Variants in CDCA7L observed in about 807,000 individuals in gnomAD.
CDCA7L encodes the protein cell division cycle-associated 7-like protein.
In CDCA7L, 44 loss-of-function variants were observed where a neutral mutation model predicts 57.4. The observed-to-expected ratio is 0.77, with a 90% CI of 0.60 to 0.98. The LOEUF (loss-of-function observed/expected upper bound fraction) is 0.98, where lower values mean the gene tolerates loss of function less well. CDCA7L is among the 50% of genes least tolerant of loss of function. The probability of loss-of-function intolerance (pLI) is 0.00; values close to 1 mark genes in which losing one functional copy is unlikely to be tolerated. For missense variants in CDCA7L, 644 were observed against 580.6 expected (o/e 1.11, Z -1.12); for synonymous variants, 236 against 202.8 (o/e 1.16, Z -1.39).
At chr7:21,928,071 C>G (rs577698544) in intron 1 of CDCA7L, among the ~76,000 whole-genome samples, 6 of 152,204 alleles carry the variant, frequency 3.9e-5, no homozygotes, top group South Asian at 2.1e-4. Context: ...AGCGATCCGG[C>G]TGGCATCTGG....
intron 9 of CDCA7L, 65 bp from the exon 10 acceptor site, chr7:21,902,417 A>G: frequency 2.0e-6 from 3 of 1,466,774 alleles, no homozygotes; most frequent in Non-Finnish European, 2.9e-6. Flanking sequence ...TCTAGGCTTG[A>G]GAGATTCCAC....
At chr7:21,905,169 T>C (rs1785099244) in intron 7 of CDCA7L, among the ~76,000 whole-genome samples, 1 of 152,190 alleles carries the variant, frequency 6.6e-6, no homozygotes, top group Admixed American at 6.5e-5. Context: ...ATTTCTATGG[T>C]TATATTACCC....
intron 1 of CDCA7L, among the ~76,000 whole-genome samples, chr7:21,930,946 G>T (rs1308517179): frequency 6.6e-6 from 1 of 151,818 alleles, no homozygotes; most frequent in African/African-American, 2.4e-5. Flanking sequence ...GATAAAGGGG[G>T]TATCACCACT....
chr7:21,916,900 T>G lies in CDCA7L; in HGVS notation c.25-6A>C, dbSNP rs747460766. On this transcript the variant is annotated splice_region_variant and splice_polypyrimidine_tract_variant and intron_variant, in intron 1 of 9. Transcript: ENST00000406877. Reference sequence around the variant, plus strand: ...TCAGCCACTTCTTTAGGGATCTGTTTTGGATTCAAAAGAGGCAGGATTAAA... The same window carrying G: ...TCAGCCACTTCTTTAGGGATCTGTTGTGGATTCAAAAGAGGCAGGATTAAA... The G allele has an allele frequency of 1.2e-6, 2 of 1,613,994 alleles. No individual in the cohort carries two copies. Among genetic ancestry groups the G allele is most frequent in the Non-Finnish European group, 1.7e-6 (2 of 1,179,932 alleles).
At chr7:21,930,354 G>A (rs1272942936) in intron 1 of CDCA7L, among the ~76,000 whole-genome samples, 1 of 152,162 alleles carries the variant, frequency 6.6e-6, no homozygotes, top group African/African-American at 2.4e-5. Context: ...ATGCCCACAA[G>A]AGAAAGCAGG....
rs746210469 is a variant in CDCA7L, at chr7:21,945,792, T to C, written c.13A>G (p.Thr5Ala). The change falls in exon 1 of 10, where the codon ACT (threonine) becomes GCT (alanine). Residue 5 changes from threonine (T) to alanine (A), a missense_variant. Coordinates refer to ENST00000406877, the MANE Select transcript of CDCA7L (RefSeq NM_018719.5). Reference protein sequence around the residue: MELATRYQIPKEVAD... With the variant: MELAARYQIPKEVAD... ...GGCCGGACCCTCACCTGGTAGCGAG[T>C]CGCCAACTCCATTCTTCCTAACCGG... The C allele has an allele frequency of 5.6e-6, 9 of 1,599,236 alleles. No individual in the cohort carries two copies. The highest frequency in any genetic ancestry group is 4.5e-5 in the South Asian group (4 of 88,898).
chr7:21,923,903 G>C (rs1028411696), intron 1 of CDCA7L, among the ~76,000 whole-genome samples: 5 of 152,220 alleles, frequency 3.3e-5, no homozygotes, highest in Admixed American at 6.5e-5. Context: ...ATACAAAGCA[G>C]TGCTCTGGAG....
At chr7:21,912,763 G>A (rs751375720) in intron 2 of CDCA7L, among the ~76,000 whole-genome samples, 2 of 152,208 alleles carry the variant, frequency 1.3e-5, no homozygotes, top group South Asian at 2.1e-4. Flanking sequence ...AATTTCTCTC[G>A]TGCAGGAGGT....
intron 7 of CDCA7L, among the ~76,000 whole-genome samples, chr7:21,904,530 T>A (rs1785069602): frequency 6.6e-6 from 1 of 152,190 alleles, no homozygotes; most frequent in Non-Finnish European, 1.5e-5. Flanking sequence ...CTCTGCCTCC[T>A]GTCAGATCAG....
chr7:21,943,595 C>G (rs1196796257), intron 1 of CDCA7L, among the ~76,000 whole-genome samples: 1 of 152,212 alleles, frequency 6.6e-6, no homozygotes, highest in Non-Finnish European at 1.5e-5. Flanking sequence ...CACCTGCCCA[C>G]CCCACAGAAC....
rs1784853337 is a variant in CDCA7L at position 21,901,544 on chromosome 7, G to A, written c.*778C>T. On this transcript the variant is annotated 3_prime_UTR_variant, in exon 10 of 10. Coordinates refer to ENST00000406877, the MANE Select transcript of CDCA7L (RefSeq NM_018719.5). ...AGGTTGCACCACTGCACTCCCTCCT[G>A]GGCAACAGAACAAGACTCCATCTCA... is the stretch of plus-strand genomic sequence containing the variant. 1 of 237,648 alleles carries A rather than the reference G, an allele frequency of 4.2e-6. No homozygotes were observed. Among genetic ancestry groups the A allele is most frequent in the Non-Finnish European group, 8.0e-6 (1 of 125,020 alleles). The allele number at this position is 237,648 out of a possible 1,614,324, so 14.7% of individuals were successfully genotyped here.
At chr7:21,932,239 T>C (rs966911177) in intron 1 of CDCA7L, among the ~76,000 whole-genome samples, 3 of 152,204 alleles carry the variant, frequency 2.0e-5, no homozygotes, top group Admixed American at 6.5e-5. Context: ...AAGTAATTTA[T>C]AGATTCAATG....
Position 21,916,891 on chromosome 7 carries a change from G to A in CDCA7L, c.28C>T (p.Pro10Ser), listed in dbSNP as rs1370610908. MELATRYQI[P>S]KEVADIFNAP... The stretch of plus-strand genomic sequence containing the variant: ...TTAAAGATGTCAGCCACTTCTTTAG[G>A]GATCTGTTTTGGATTCAAAAGAGGC... Residue 10 changes from proline (P) to serine (S), a missense_variant, in exon 2 of 10, where the codon CCT (proline) becomes TCT (serine). Transcript: ENST00000406877. The A allele has an allele frequency of 6.2e-7, 1 of 1,613,850 alleles. No homozygotes were observed. The highest frequency in any genetic ancestry group is 1.3e-5 in the African/African-American group (1 of 74,864).
chr7:21,911,538 G>A (rs1785327213), intron 3 of CDCA7L, 79 bp downstream of exon 3: 1 of 1,470,382 alleles, frequency 6.8e-7, no homozygotes, highest in Non-Finnish European at 9.1e-7. Context: ...CTTGTGAAGT[G>A]ACTGCTTACA....
intron 3 of CDCA7L, among the ~76,000 whole-genome samples, chr7:21,909,304 A>G (rs1785239724): frequency 6.6e-6 from 1 of 152,190 alleles, no homozygotes; most frequent in African/African-American, 2.4e-5. Context: ...GTACAGAGAC[A>G]GGTTTAAGTA....
intron 1 of CDCA7L, chr7:21,940,442 A>G (rs1378525668): frequency 1.2e-5 from 3 of 255,922 alleles, no homozygotes; most frequent in Admixed American, 1.3e-4. Context: ...ATCGTCTCCT[A>G]AGCATCAAAT....
At chr7:21,934,140 G>A (rs1786094656) in intron 1 of CDCA7L, among the ~76,000 whole-genome samples, 1 of 152,106 alleles carries the variant, frequency 6.6e-6, no homozygotes, top group Admixed American at 6.6e-5. Context: ...TAAATACATG[G>A]ACAAATATAA....
At chr7:21,925,739 A>T (rs1785804844) in intron 1 of CDCA7L, among the ~76,000 whole-genome samples, 1 of 152,144 alleles carries the variant, frequency 6.6e-6, no homozygotes, top group Non-Finnish European at 1.5e-5. Flanking sequence ...AACATAAAAA[A>T]TTAGCCAGGC....
chr7:21,923,683 TA>T (rs1245145215), intron 1 of CDCA7L, among the ~76,000 whole-genome samples: 1 of 152,204 alleles, frequency 6.6e-6, no homozygotes, highest in Non-Finnish European at 1.5e-5. Flanking sequence ...TACATCATTG[TA>T]GGTGCCAAGG....
Sources: allele counts gnomAD v4.1 joint callset (sites outside exome capture counted in the v4.1 genomes callset), GRCh38; gene constraint gnomAD v4.1.1; transcripts MANE v1.5; gene names NCBI Gene and HGNC (gene_info 2026-07-23, HGNC 2026-07-21).